INSL6: variants seen among roughly 807,000 people sequenced by gnomAD.
The protein encoded by INSL6 is insulin-like peptide INSL6.
In INSL6, 16 loss-of-function variants were observed where a neutral mutation model predicts 9.4. The ratio of observed to expected loss-of-function variants is 1.70; its 90% CI spans 1.15 to 2.59. INSL6 has a LOEUF of 2.59. INSL6 is among the 30% of genes most tolerant of loss of function. The pLI, the probability that INSL6 is intolerant of heterozygous loss-of-function variation, is 0.00. For missense variants in INSL6, 391 were observed against 257.3 expected, an observed-to-expected ratio of 1.52 and a Z score of -3.56; for synonymous variants, 154 against 96.9, an observed-to-expected ratio of 1.59 and a Z score of -3.46.
intron 2 of INSL6, among the ~76,000 whole-genome samples, chr9:5,146,219 A>T (rs117747135): frequency 6.6e-6 from 1 of 152,298 alleles, no homozygotes; most frequent in Non-Finnish European, 1.5e-5. Flanking sequence ...TTAGGGGGCC[A>T]GTATTCAGCT....
chr9:5,120,413 C>G (rs924494602), downstream of INSL6, among the ~76,000 whole-genome samples: 3 of 152,106 alleles, frequency 2.0e-5, no homozygotes, highest in Non-Finnish European at 4.4e-5. Context: ...AGGATTTTGC[C>G]CATGATATCA....
the INSL6 span, among the ~76,000 whole-genome samples, chr9:5,088,374 A>G: frequency 2.0e-5 from 3 of 152,206 alleles, no homozygotes; most frequent in Admixed American, 6.5e-5. Flanking sequence ...GAATCTTGTA[A>G]CTCAAGAACT....
chr9:5,062,472 CT>C, the INSL6 span, among the ~76,000 whole-genome samples: 1 of 118,890 alleles, frequency 8.4e-6, no homozygotes, highest in Non-Finnish European at 1.6e-5. Context: ...ACTTGCTCCA[CT>C]TAAGTTTGTC....
intron 2 of INSL6, among the ~76,000 whole-genome samples, chr9:5,155,129 G>A (rs1267398684): frequency 5.9e-5 from 9 of 151,480 alleles, no homozygotes; most frequent in African/African-American, 1.9e-4. Context: ...TATACACCAT[G>A]GACTACTATG....
At chr9:5,011,004 G>A in the INSL6 span, among the ~76,000 whole-genome samples, 1,584 of 152,168 alleles carry the variant, frequency 0.01, 67 homozygotes, top group East Asian at 0.096. Flanking sequence ...TCTATTTCTT[G>A]TCTTGGTTCT....
chr9:5,160,194 AAAGTT>A (rs376520200), downstream of INSL6, among the ~76,000 whole-genome samples: 14 of 151,742 alleles, frequency 9.2e-5, no homozygotes, highest in Middle Eastern at 6.8e-3. Context: ...AAAAAAAAAA[AAAGTT>A]AGGCCACAAA....
the INSL6 span, among the ~76,000 whole-genome samples, chr9:5,043,806 G>A: frequency 3.3e-5 from 5 of 152,228 alleles, no homozygotes; most frequent in Admixed American, 2.0e-4. Context: ...TAATGTGGAT[G>A]AACCTTGAAA....
At chr9:5,005,734 T>C in the INSL6 span, among the ~76,000 whole-genome samples, 1 of 152,202 alleles carries the variant, frequency 6.6e-6, no homozygotes, top group Non-Finnish European at 1.5e-5. Flanking sequence ...ATAAGCTCAA[T>C]GTTTCTTCCT....
chr9:5,104,052 A>T, the INSL6 span, among the ~76,000 whole-genome samples: 1 of 152,224 alleles, frequency 6.6e-6, no homozygotes, highest in Non-Finnish European at 1.5e-5. Flanking sequence ...GCAGAAGGCA[A>T]GAAATAACTA....
chr9:5,125,080 T>C (rs951976704), intron 3 of INSL6, among the ~76,000 whole-genome samples: 3 of 151,292 alleles, frequency 2.0e-5, no homozygotes, highest in Non-Finnish European at 3.0e-5. Flanking sequence ...TTGGTCATCA[T>C]AGAATTTTTT....
At chr9:5,106,556 A>G in the INSL6 span, among the ~76,000 whole-genome samples, 1 of 152,208 alleles carries the variant, frequency 6.6e-6, no homozygotes, top group African/African-American at 2.4e-5. Context: ...CTGGGTATAC[A>G]CCCAAAGGAT....
At chr9:5,068,662 C>G in the INSL6 span, among the ~76,000 whole-genome samples, 1 of 152,138 alleles carries the variant, frequency 6.6e-6, no homozygotes, top group African/African-American at 2.4e-5. Flanking sequence ...GTGGCAGGAG[C>G]TGAGATTGGA....
At chr9:5,135,839 G>GT (rs962754881) in intron 2 of INSL6, among the ~76,000 whole-genome samples, 17 of 151,748 alleles carry the variant, frequency 1.1e-4, no homozygotes, top group African/African-American at 4.1e-4. Context: ...CCAGGAGCTG[G>GT]TTTTTTGAAA....
the INSL6 span, chr9:5,055,737 T>A: frequency 1.2e-6 from 2 of 1,610,408 alleles, no homozygotes; most frequent in Non-Finnish European, 1.7e-6. Flanking sequence ...ACCAAGAGGG[T>A]TCAAATGAAA....
At chr9:5,128,065 A>G (rs1824113086) in intron 3 of INSL6, 1 of 225,798 alleles carries the variant, frequency 4.4e-6, no homozygotes. Flanking sequence ...TAGCTAAAAT[A>G]AAATATGGTG....
the INSL6 span, among the ~76,000 whole-genome samples, chr9:4,992,712 C>T: frequency 1.3e-5 from 2 of 152,118 alleles, no homozygotes; most frequent in East Asian, 1.9e-4. Flanking sequence ...GAACTGAGGA[C>T]CCATGAAGAG....
chr9:5,105,641 A>C, the INSL6 span, among the ~76,000 whole-genome samples: 5 of 152,234 alleles, frequency 3.3e-5, no homozygotes, highest in Non-Finnish European at 7.3e-5. Flanking sequence ...AGCTGGAGGC[A>C]TCACACTACG....
chr9:5,077,459 TG>T, the INSL6 span: 1 of 1,117,948 alleles, frequency 8.9e-7, no homozygotes, highest in Non-Finnish European at 1.2e-6. Flanking sequence ...GCAGATATTC[TG>T]GTTCAGGAGT....
At chr9:5,081,586 T>A in the INSL6 span, 1 of 603,992 alleles carries the variant, frequency 1.7e-6, no homozygotes, top group Non-Finnish European at 2.9e-6. Flanking sequence ...CCCATTAATA[T>A]AATTGAAACT....
Sources: gnomAD v4.1 joint callset for allele counts (sites outside exome capture counted in the v4.1 genomes callset) on GRCh38, gnomAD v4.1.1 for gene constraint, MANE v1.5 for transcripts, NCBI Gene and HGNC (gene_info 2026-07-23, HGNC 2026-07-21) for gene names.